DNAJC17: variants seen among roughly 807,000 people sequenced by gnomAD.
The protein encoded by DNAJC17 is DnaJ heat shock protein family (Hsp40) member C17.
DNAJC17 carries 35 observed loss-of-function variants against 48.1 expected under a neutral mutation model. The ratio of observed to expected loss-of-function variants is 0.73; its 90% CI spans 0.56 to 0.96. The LOEUF is 0.96. Among genes scored for constraint, DNAJC17 ranks in the 50% least tolerant of loss-of-function variants. The pLI, the probability that DNAJC17 is intolerant of heterozygous loss-of-function variation, is 0.00. For synonymous variants in DNAJC17, 117 were observed against 142.7 expected (o/e 0.82, Z 1.28); for missense variants, 355 against 377.1 (o/e 0.94, Z 0.48).
At chr15:40,798,287 A>T (rs918900783) in intron 1 of DNAJC17, among the ~76,000 whole-genome samples, 2 of 152,190 alleles carry the variant, frequency 1.3e-5, no homozygotes, top group African/African-American at 2.4e-5. Flanking sequence ...AGGTTCATAG[A>T]ATAGTCAAAT....
chr15:40,775,304 C>A, intron 7 of DNAJC17, 196 bp from the exon 8 acceptor site: 1 of 707,296 alleles, frequency 1.4e-6, no homozygotes, highest in African/African-American at 1.8e-5. Context: ...GGGACGCTTC[C>A]CGCCCAGAAG....
intron 5 of DNAJC17, 118 bp from the exon 6 acceptor site, chr15:40,776,410 G>T: frequency 6.9e-7 from 1 of 1,459,414 alleles, no homozygotes; most frequent in South Asian, 1.1e-5. Flanking sequence ...ACCTGTGGGT[G>T]GGACAAATCA....
At chr15:40,785,499 T>C (rs1304656529) in intron 1 of DNAJC17, among the ~76,000 whole-genome samples, 1 of 152,182 alleles carries the variant, frequency 6.6e-6, no homozygotes, top group Admixed American at 6.5e-5. Context: ...GAATAAATCC[T>C]ACACACAGGG....
intron 1 of DNAJC17, among the ~76,000 whole-genome samples, chr15:40,798,466 A>C (rs1024996779): frequency 2.0e-5 from 3 of 152,218 alleles, no homozygotes; most frequent in African/African-American, 7.2e-5. Flanking sequence ...AATGCCAGTG[A>C]ATCCTTTAAT....
intron 1 of DNAJC17, among the ~76,000 whole-genome samples, chr15:40,800,844 GGCTACTCCGGAGACTGAA>G (rs1449003827): frequency 6.6e-6 from 1 of 151,714 alleles, no homozygotes; most frequent in Admixed American, 6.6e-5. Flanking sequence ...CTGTAATCTC[GGCTACTCCGGAGACTGAA>G]GCAGAGAATT....
intron 1 of DNAJC17, among the ~76,000 whole-genome samples, chr15:40,792,895 CTTTTTTTTTTT>C (rs563611021): frequency 7.9e-5 from 10 of 126,300 alleles, no homozygotes; most frequent in African/African-American, 3.1e-4. Context: ...AAGATCCCTT[CTTTTTTTTTTT>C]TTTTTTTTTG....
chr15:40,800,788 A>G (rs893160676), intron 1 of DNAJC17, among the ~76,000 whole-genome samples: 3 of 151,878 alleles, frequency 2.0e-5, no homozygotes, highest in Admixed American at 6.6e-5. Context: ...GTGAAACCAC[A>G]TCTCCACTAA....
In DNAJC17 at chr15:40,774,364, T is replaced by C. The variant is rs1889255391; in HGVS notation, c.673A>G (p.Lys225Glu). 3.1e-6 allele frequency: 5 copies of C among 1,613,992 alleles called. No individual in the cohort carries two copies. The highest frequency in any genetic ancestry group is 4.2e-6 in the Non-Finnish European group (5 of 1,180,020). Reference protein sequence around the residue: ...GTAVVEFATVKAAELAVQNEV... With the variant: ...GTAVVEFATVEAAELAVQNEV... Reference sequence around the variant, plus strand: ...CCTCATGCAGCACTCACCGCTGCCTTGACGGTTGCAAACTCCACCACAGCA... The same window carrying C: ...CCTCATGCAGCACTCACCGCTGCCTCGACGGTTGCAAACTCCACCACAGCA... The change falls in exon 9 of 11, where the codon AAG becomes GAG. Residue 225 changes from lysine (K) to glutamate (E), a missense_variant. Lys to Glu is a moderately conservative substitution (Grantham distance 56). Transcript: ENST00000220496.
chr15:40,805,307 C>T (rs35458726), intron 1 of DNAJC17, among the ~76,000 whole-genome samples: 43,460 of 143,760 alleles, frequency 0.3, 7,125 homozygotes, highest in South Asian at 0.47. Flanking sequence ...AACAGGAAGG[C>T]GGAGGTTGCA....
rs1889070892 is a variant in DNAJC17, at chr15:40,769,693, C to A, written c.793-1631G>T. ...TGCCTTTCAATTAACTCCCACCCGC[C>A]CCGAACTCTTCCTACCCAGACACTG... On this transcript the variant is annotated intron_variant, in intron 10 of 10. Transcript: ENST00000220496. This position sits in a 1 kb window ranked among gnomAD's most constrained non-coding sequence, Gnocchi z 4.2. Among the ~76,000 whole-genome samples, 1 of 152,252 alleles carries A rather than the reference C, an allele frequency of 6.6e-6. No individual in the cohort carries two copies.
chr15:40,786,303 A>G (rs1229320359), intron 1 of DNAJC17, among the ~76,000 whole-genome samples: 3 of 152,202 alleles, frequency 2.0e-5, no homozygotes, highest in Non-Finnish European at 4.4e-5. Context: ...CTATAATCTT[A>G]CTCCTTATGA....
intron 1 of DNAJC17, among the ~76,000 whole-genome samples, chr15:40,783,937 A>G (rs1375816508): frequency 6.6e-6 from 1 of 151,862 alleles, no homozygotes; most frequent in East Asian, 2.0e-4. Context: ...TGTGAAGAAG[A>G]AGGAGCAGGC....
At chr15:40,801,777 T>A (rs1416523971) in intron 1 of DNAJC17, among the ~76,000 whole-genome samples, 1 of 151,402 alleles carries the variant, frequency 6.6e-6, no homozygotes, top group Admixed American at 6.6e-5. Context: ...AGAAATTCTA[T>A]TGAGTATTTT....
intron 4 of DNAJC17, 107 bp from the exon 5 acceptor site, chr15:40,776,734 T>G: frequency 9.2e-7 from 1 of 1,082,878 alleles, no homozygotes; most frequent in East Asian, 2.4e-5. Flanking sequence ...CACGACGAGA[T>G]CATACAGTAA....
intron 1 of DNAJC17, among the ~76,000 whole-genome samples, chr15:40,793,482 C>T (rs1251770579): frequency 1.3e-5 from 2 of 152,108 alleles, no homozygotes; most frequent in African/African-American, 4.8e-5. Context: ...AAATGTTGAA[C>T]TCTGGTGATC....
At chr15:40,781,126 G>A (rs1375106386) in intron 1 of DNAJC17, among the ~76,000 whole-genome samples, 1 of 141,450 alleles carries the variant, frequency 7.1e-6, no homozygotes, top group Non-Finnish European at 1.5e-5. Context: ...ACTCCAGCCT[G>A]TGGGACAAGA....
intron 1 of DNAJC17, among the ~76,000 whole-genome samples, chr15:40,806,167 T>C (rs1158110542): frequency 6.6e-6 from 1 of 151,692 alleles, no homozygotes; most frequent in Non-Finnish European, 1.5e-5. Flanking sequence ...ACTCACCCCA[T>C]GAGCAGGGCA....
Position 40,776,184 on chromosome 15 carries a change from A to G in DNAJC17, c.478+12T>C, listed in dbSNP as rs1251301003. ...CCTTGGAGGGGAGATAGGCGGGGTG[A>G]TAGACCTGCACCTCTCAACCTCTGG... On this transcript the variant is annotated intron_variant, in intron 6 of 10. Transcript: ENST00000220496. 16 of 1,612,316 alleles carry G rather than the reference A, an allele frequency of 9.9e-6. No homozygotes were observed. The East Asian group carries it at 3.6e-4, about 36-fold the overall frequency.
chr15:40,768,130 C>T lies in DNAJC17; in HGVS notation c.793-68G>A, dbSNP rs1409944138. ...GGCACAGCCTCACAGACTCCGAGTA[C>T]GGTGCCGAGGCAGTGCTGCGTTCTA... is the stretch of plus-strand genomic sequence containing the variant. On this transcript the variant is annotated intron_variant, in intron 10 of 10. Transcript: ENST00000220496. 6 of 1,467,574 alleles carry T rather than the reference C, an allele frequency of 4.1e-6. No individual in the cohort carries two copies. In the African/African-American group the frequency reaches 4.4e-5, roughly 11 times the overall value. The allele number at this position is 1,467,574 out of a possible 1,614,324, so 90.9% of individuals were successfully genotyped here.
Sources: allele counts gnomAD v4.1 joint callset (sites outside exome capture counted in the v4.1 genomes callset), GRCh38; gene constraint gnomAD v4.1.1; non-coding constraint Gnocchi (gnomAD v3.1); transcripts MANE v1.5; gene names NCBI Gene and HGNC (gene_info 2026-07-23, HGNC 2026-07-21).